Variants in AXDND1 observed in about 807,000 individuals in gnomAD.
AXDND1 encodes the protein axonemal dynein light chain domain containing 1, also known as axonemal dynein light chain domain-containing protein 1.
Under a neutral mutation model 137.5 loss-of-function variants are expected in AXDND1, and 110 were observed. The observed-to-expected ratio is 0.80, with a 90% CI of 0.69 to 0.94. The LOEUF is 0.94. Ranked by LOEUF, AXDND1 falls within the 40% of genes least tolerant of loss-of-function variation. AXDND1 has a pLI of 0.00. For synonymous variants in AXDND1, 414 were observed against 399.7 expected (o/e 1.04, Z -0.43); for missense variants, 1,191 against 1,169.8 (o/e 1.02, Z -0.26).
chr1:179,390,600 CAAA>C (rs1257938920), intron 9 of AXDND1, among the ~76,000 whole-genome samples: 1 of 152,156 alleles, frequency 6.6e-6, no homozygotes, highest in African/African-American at 2.4e-5. Context: ...TTTCTAGTCT[CAAA>C]GAATTTATAT....
intron 21 of AXDND1, among the ~76,000 whole-genome samples, chr1:179,511,454 CTTG>C (rs1669058580): frequency 6.7e-6 from 1 of 150,026 alleles, no homozygotes; most frequent in Non-Finnish European, 1.5e-5. Context: ...TTTTTATCCA[CTTG>C]TTGATTGATG....
intron 16 of AXDND1, among the ~76,000 whole-genome samples, chr1:179,467,530 A>C (rs1197416605): frequency 2.0e-5 from 3 of 152,218 alleles, no homozygotes; most frequent in Admixed American, 6.5e-5. Flanking sequence ...GAGGATGTGC[A>C]TAGGTTATAT....
intron 17 of AXDND1, among the ~76,000 whole-genome samples, chr1:179,475,526 T>C (rs1664504699): frequency 6.6e-6 from 1 of 152,268 alleles, no homozygotes; most frequent in African/African-American, 2.4e-5. Context: ...CAGACTTGCA[T>C]GGGGCCTGTA....
At chr1:179,552,313 G>T in intron 25 of AXDND1, 1 of 482,256 alleles carries the variant, frequency 2.1e-6, no homozygotes, top group Non-Finnish European at 3.8e-6. Context: ...GCCAGCACTA[G>T]AGAAGAGGGA....
At chr1:179,381,200 C>T (rs528050581) in intron 6 of AXDND1, among the ~76,000 whole-genome samples, 2 of 151,326 alleles carry the variant, frequency 1.3e-5, no homozygotes, top group South Asian at 4.2e-4. Flanking sequence ...ACCACGGTGC[C>T]TGGCTAATTT....
At chr1:179,534,018 C>T in intron 24 of AXDND1, 141 bp downstream of exon 24, 2 of 639,780 alleles carry the variant, frequency 3.1e-6, no homozygotes, top group Admixed American at 2.4e-5. Flanking sequence ...TCCACATGTT[C>T]TGCTAGAGGC....
intron 21 of AXDND1, among the ~76,000 whole-genome samples, chr1:179,523,968 T>A (rs1285302482): frequency 6.6e-6 from 1 of 152,164 alleles, no homozygotes; most frequent in Non-Finnish European, 1.5e-5. Context: ...AATATTTGGT[T>A]TTCCATTCCT....
chr1:179,426,861 A>G (rs368982707), intron 12 of AXDND1, among the ~76,000 whole-genome samples: 12 of 152,266 alleles, frequency 7.9e-5, no homozygotes, highest in African/African-American at 2.9e-4. Flanking sequence ...AACTATCACA[A>G]GTATATAAAT....
At chr1:179,415,538 A>G (rs1244927050) in intron 12 of AXDND1, among the ~76,000 whole-genome samples, 3 of 152,230 alleles carry the variant, frequency 2.0e-5, no homozygotes, top group East Asian at 3.8e-4. Flanking sequence ...GTACAATTAT[A>G]TGTTTTTTAG....
intron 16 of AXDND1, among the ~76,000 whole-genome samples, chr1:179,458,241 C>A (rs1661704562): frequency 6.6e-6 from 1 of 151,996 alleles, no homozygotes; most frequent in Admixed American, 6.6e-5. Context: ...CCTTGGCCTC[C>A]CAAAGTGCTG....
intron 20 of AXDND1, among the ~76,000 whole-genome samples, chr1:179,502,520 C>T (rs1668094490): frequency 1.4e-5 from 2 of 139,834 alleles, no homozygotes; most frequent in African/African-American, 2.7e-5. Context: ...GCCAAGATTG[C>T]ACCACTGCAC....
intron 16 of AXDND1, chr1:179,449,567 T>C (rs922258508): frequency 6.5e-6 from 1 of 153,710 alleles, no homozygotes; most frequent in Non-Finnish European, 1.4e-5. Context: ...CAGCTTCTGA[T>C]AGGGATTATG....
At chr1:179,531,468 A>G (rs1179290557) in intron 23 of AXDND1, among the ~76,000 whole-genome samples, 2 of 152,162 alleles carry the variant, frequency 1.3e-5, no homozygotes, top group African/African-American at 4.8e-5. Flanking sequence ...GAGCCAAGTC[A>G]GCCAGCCTGT....
chr1:179,382,445 T>A (rs1246058514), intron 6 of AXDND1, among the ~76,000 whole-genome samples: 6 of 152,218 alleles, frequency 3.9e-5, no homozygotes, highest in Non-Finnish European at 7.3e-5. Flanking sequence ...CTTTGAGCTT[T>A]CTCTTGTGTT....
chr1:179,513,627 G>A (rs892159749), intron 21 of AXDND1, among the ~76,000 whole-genome samples: 2 of 151,966 alleles, frequency 1.3e-5, no homozygotes, highest in Non-Finnish European at 2.9e-5. Context: ...GTGGAATAGT[G>A]TCAAAAGGAT....
At chr1:179,455,791 T>C (rs570846786) in intron 16 of AXDND1, 2 of 176,694 alleles carry the variant, frequency 1.1e-5, no homozygotes, top group South Asian at 2.7e-4. Context: ...GGAAACCCAA[T>C]AGAATTGAGT....
At chr1:179,421,367 CTTTTTTTTT>C (rs199703017) in intron 12 of AXDND1, among the ~76,000 whole-genome samples, 4 of 107,206 alleles carry the variant, frequency 3.7e-5, no homozygotes, top group South Asian at 2.9e-4. Flanking sequence ...TTTTCTTTTC[CTTTTTTTTT>C]TTTTTTTTTT....
rs141792720 is a variant in AXDND1, at chr1:179,426,889, T to C, written c.1231-2629T>C. On this transcript the variant is annotated intron_variant, in intron 12 of 25. Coordinates refer to ENST00000367618, the MANE Select transcript of AXDND1 (RefSeq NM_144696.6). The stretch of plus-strand genomic sequence containing the variant: ...ATATAAATAACTATGTGGCCAAGTA[T>C]AGTGGCTCAAGCCTGTAATCCCAGC... 1.3e-3 allele frequency among the ~76,000 whole-genome samples: 202 copies of C among 152,274 alleles called. 8 individuals carry two copies. The East Asian group carries it at 0.029, about 22-fold the overall frequency.
At chr1:179,393,451 G>C (rs7515896) in intron 9 of AXDND1, among the ~76,000 whole-genome samples, 44,280 of 151,570 alleles carry the variant, frequency 0.29, 6,659 homozygotes, top group Non-Finnish European at 0.31. Flanking sequence ...GCTATGTGGG[G>C]TCTTTTTTGG....
Sources: gnomAD v4.1 joint callset for allele counts (sites outside exome capture counted in the v4.1 genomes callset) on GRCh38, gnomAD v4.1.1 for gene constraint, MANE v1.5 for transcripts, NCBI Gene and HGNC (gene_info 2026-07-23, HGNC 2026-07-21) for gene names.